The following NOP14 variants were observed in gnomAD, a reference collection of about 807,000 sequenced individuals.
The protein encoded by NOP14 is nucleolar protein 14.
Under a neutral mutation model 101.6 loss-of-function variants are expected in NOP14, and 57 were observed. The ratio of observed to expected loss-of-function variants is 0.56; its 90% CI spans 0.45 to 0.70. The LOEUF (loss-of-function observed/expected upper bound fraction) is 0.70. Ranked by LOEUF, NOP14 falls within the 30% of genes least tolerant of loss-of-function variation. NOP14 has a pLI of 0.00. For synonymous variants in NOP14, 428 were observed against 424.0 expected, an observed-to-expected ratio of 1.01 and a Z score of -0.12; for missense variants, 1,134 against 1,075.5, an observed-to-expected ratio of 1.05 and a Z score of -0.76.
chr4:2,954,431 T>C lies in NOP14; in HGVS notation c.605A>G (p.Gln202Arg). 1 of 1,614,094 alleles carries C rather than the reference T, an allele frequency of 6.2e-7. No homozygotes were observed. The highest frequency in any genetic ancestry group is 8.5e-7 in the Non-Finnish European group (1 of 1,179,976). ...LIEELIAKSK[Q>R]EKRERQAQRE... ...GAACACTCACTAACCCACCTTCTCT[T>C]GTTTTGACTTGGCAATGAGCTCTTC... The change falls in exon 4 of 18, where the codon CAA (glutamine) becomes CGA (arginine). Residue 202 changes from glutamine to arginine, a missense_variant. Gln to Arg is a conservative substitution (Grantham distance 43). Transcript: ENST00000416614.
At chr4:2,953,479 G>C (rs1715156862) in intron 5 of NOP14, 32 bp downstream of exon 5, 2 of 1,612,110 alleles carry the variant, frequency 1.2e-6, no homozygotes, top group Non-Finnish European at 1.7e-6. Flanking sequence ...AGCTCAGTGA[G>C]TGAAGAGTTT....
rs762108340 is a variant in NOP14 at position 2,956,714 on chromosome 4, A to G, written c.428T>C (p.Ile143Thr). Residue 143 changes from isoleucine (I) to threonine (T), a missense_variant, in exon 3 of 18, where the codon ATT becomes ACT. Coordinates refer to ENST00000416614, the MANE Select transcript of NOP14 (RefSeq NM_001291978.2). ...CTCAGCATCGCTGTCACTGTCCACAATGTCATTATGCTTCTCGATGTCTGC... is the reference window on the plus strand; with the variant it reads ...CTCAGCATCGCTGTCACTGTCCACAGTGTCATTATGCTTCTCGATGTCTGC... ...SLADIEKHND[I>T]VDSDSDAEDR... 1.4e-5 allele frequency: 23 copies of G among 1,613,520 alleles called. No individual in the cohort carries two copies. The highest frequency in any genetic ancestry group is 3.3e-4 in the Middle Eastern group (2 of 6,082).
rs780960744 is a variant in NOP14, at chr4:2,956,667, C to G, written c.472+3G>C. ...AGGCCCGTGCACAGCACCCCAGCCT[C>G]ACCAGACAACGTTCCTCGATCCTCA... is the stretch of plus-strand genomic sequence containing the variant. On this transcript the variant is annotated splice_donor_region_variant and intron_variant, in intron 3 of 17. Coordinates refer to ENST00000416614, the MANE Select transcript of NOP14 (RefSeq NM_001291978.2). The G allele has an allele frequency of 6.2e-7, 1 of 1,611,116 alleles. No individual in the cohort carries two copies. The highest frequency in any genetic ancestry group is 8.5e-7 in the Non-Finnish European group (1 of 1,179,168).
chr4:2,958,609 G>A (rs1393276270), intron 1 of NOP14, among the ~76,000 whole-genome samples: 1 of 152,188 alleles, frequency 6.6e-6, no homozygotes, highest in Non-Finnish European at 1.5e-5. Flanking sequence ...TCGGTGCCTC[G>A]GCAGACATTT....
intron 1 of NOP14, 82 bp downstream of exon 1, chr4:2,963,042 AC>A (rs1054372587): frequency 7.3e-7 from 1 of 1,363,584 alleles, no homozygotes; most frequent in African/African-American, 1.5e-5. Flanking sequence ...GAGGAAACCG[AC>A]GCACCGAGAA....
intron 12 of NOP14, among the ~76,000 whole-genome samples, chr4:2,944,711 C>G (rs1401263905): frequency 1.3e-5 from 2 of 152,194 alleles, no homozygotes; most frequent in African/African-American, 2.4e-5. Flanking sequence ...CTGGCCAGAG[C>G]TATACTGATT....
At chr4:2,963,001 C>A in intron 1 of NOP14, 124 bp downstream of exon 1, 2 of 967,304 alleles carry the variant, frequency 2.1e-6, no homozygotes, top group Non-Finnish European at 1.4e-6. Flanking sequence ...AAGTCAGTGC[C>A]GTGTGCCTGT....
intron 15 of NOP14, chr4:2,940,766 G>A (rs976355911): frequency 1.3e-5 from 2 of 152,538 alleles, no homozygotes; most frequent in Non-Finnish European, 2.9e-5. Flanking sequence ...GGGAAGGCCT[G>A]GCTTCCCAAG....
At chr4:2,947,728 C>A in intron 9 of NOP14, 117 bp from the exon 10 acceptor site, 1 of 790,374 alleles carries the variant, frequency 1.3e-6, no homozygotes. Flanking sequence ...GCAGGGGAGC[C>A]CAGGGTGACA....
At chr4:2,949,298 G>A (rs145859688) in intron 8 of NOP14, among the ~76,000 whole-genome samples, 5,012 of 152,244 alleles carry the variant, frequency 0.033, 236 homozygotes, top group African/African-American at 0.1. Flanking sequence ...CCGCCTCCCA[G>A]GCTCAAGTGA....
At chr4:2,946,245 A>G (rs35897740) in intron 11 of NOP14, among the ~76,000 whole-genome samples, 167 bp downstream of exon 11, 7,306 of 62,730 alleles carry the variant, frequency 0.12, 147 homozygotes, top group African/African-American at 0.2. Flanking sequence ...GATCACCCTC[A>G]CTGCCGTGCA....
chr4:2,957,844 A>T lies in NOP14; in HGVS notation c.196-104T>A, dbSNP rs759363051. The T allele has an allele frequency of 4.9e-5, 58 of 1,175,488 alleles. No individual in the cohort carries two copies. In the African/African-American group the frequency reaches 7.6e-4, roughly 15 times the overall value. The allele number at this position is 1,175,488 out of a possible 1,614,324, so 72.8% of individuals were successfully genotyped here. On this transcript the variant is annotated intron_variant, in intron 1 of 17. Transcript: ENST00000416614. ...TTAAAGTTCAGGGCTATGCACAGTG[A>T]TGTCAAAGTTCACACCCAATCTGCT...
intron 13 of NOP14, 142 bp from the exon 14 acceptor site, chr4:2,942,493 G>A: frequency 2.2e-6 from 2 of 895,114 alleles, no homozygotes; most frequent in South Asian, 1.8e-5. Context: ...CAGACACTGA[G>A]GGTTTCAGCG....
At chr4:2,961,163 A>G (rs61622968) in intron 1 of NOP14, among the ~76,000 whole-genome samples, 2 of 30,672 alleles carry the variant, frequency 6.5e-5, no homozygotes, top group South Asian at 9.1e-4. Context: ...TAATATATTA[A>G]TATGCTATTA....
Position 2,951,121 on chromosome 4 carries a change from G to A in NOP14, c.995C>T (p.Ser332Phe), listed in dbSNP as rs1056509071. 7 of 1,606,848 alleles carry A rather than the reference G, an allele frequency of 4.4e-6. No individual in the cohort carries two copies. The African/African-American group carries it at 5.4e-5, about 12-fold the overall frequency. ...TGAAGGCAAACATCTTACTTTGTAG[G>A]AAAGCAAACGCCTGTCATCTTTATC... ...VLDKDDRRLL[S>F]YKDGKMNVEE... The change falls in exon 7 of 18, where the codon TCC becomes TTC. Residue 332 changes from serine (S) to phenylalanine (F), a missense_variant. Coordinates refer to ENST00000416614, the MANE Select transcript of NOP14 (RefSeq NM_001291978.2).
rs144659943 is a variant in NOP14 at position 2,951,156 on chromosome 4, G to A, written c.960C>T (p.Gly320=). 6.7e-4 allele frequency: 1,075 copies of A among 1,613,850 alleles called. 4 individuals are homozygous for A. The highest frequency in any genetic ancestry group is 4.8e-3 in the Middle Eastern group (29 of 6,062). ...GCCTGTCATCTTTATCTAGCACGAA[G>A]CCATCATTCAGATCATCTGCTGACA... ...KHMSADDLND[G]FVLDKDDRRL... Residue 320 remains glycine (G), a synonymous_variant, in exon 7 of 18, where the codon GGC becomes GGT. Coordinates refer to ENST00000416614, the MANE Select transcript of NOP14 (RefSeq NM_001291978.2).
chr4:2,948,297 C>T lies in NOP14; in HGVS notation c.1394G>A (p.Gly465Glu), dbSNP rs1328747655. Residue 465 changes from glycine (G) to glutamate (E), a missense_variant, in exon 9 of 18, where the codon GGA becomes GAA. Transcript: ENST00000416614. ...ACGTACTTCTAATTTTGCTTTGTTTCCTTCTGCGAGACTCGGGTGGTTGCA... is the reference window on the plus strand; with the variant it reads ...ACGTACTTCTAATTTTGCTTTGTTTTCTTCTGCGAGACTCGGGTGGTTGCA... ...QKCNHPSLAE[G>E]NKAKLEKLFG... The T allele has an allele frequency of 1.2e-6, 2 of 1,603,316 alleles. No individual in the cohort carries two copies. Among genetic ancestry groups the T allele is most frequent in the East Asian group, 2.2e-5 (1 of 44,550 alleles).
intron 1 of NOP14, among the ~76,000 whole-genome samples, chr4:2,957,967 G>T (rs1387702791): frequency 6.6e-6 from 1 of 152,168 alleles, no homozygotes; most frequent in African/African-American, 2.4e-5. Flanking sequence ...TTCTTCTTTA[G>T]AGTCTACCGG....
chr4:2,939,261 T>C lies in NOP14; in HGVS notation c.2401A>G (p.Lys801Glu), dbSNP rs764323946. The C allele has an allele frequency of 3.5e-5, 56 of 1,613,932 alleles. No individual in the cohort carries two copies. The highest frequency in any genetic ancestry group is 4.5e-5 in the Non-Finnish European group (53 of 1,180,054). ...RLIHKHKREFKGAVREIRKDN... is the reference protein window; with the variant it reads ...RLIHKHKREFEGAVREIRKDN... ...TTGCGGATTTCTCGAACGGCCCCTT[T>C]AAATTCACGCTTGTGTTTGTGGATC... Residue 801 changes from lysine to glutamate, a missense_variant, in exon 17 of 18, where the codon AAA (lysine) becomes GAA (glutamate). Physicochemically the swap from Lys to Glu is moderately conservative, Grantham distance 56. Coordinates refer to ENST00000416614, the MANE Select transcript of NOP14 (RefSeq NM_001291978.2).
Sources: allele counts gnomAD v4.1 joint callset (sites outside exome capture counted in the v4.1 genomes callset), GRCh38; gene constraint gnomAD v4.1.1; transcripts MANE v1.5; gene names NCBI Gene and HGNC (gene_info 2026-07-23, HGNC 2026-07-21).